The following COL22A1 variants were observed in gnomAD, a reference collection of about 807,000 sequenced individuals.
COL22A1 encodes the protein collagen type XXII alpha 1 chain.
A neutral mutation model predicts 248.9 loss-of-function variants in COL22A1; 221 were observed. The observed-to-expected ratio is 0.89, with a 90% CI of 0.80 to 0.99. The LOEUF (loss-of-function observed/expected upper bound fraction) is 0.99, where lower values mean the gene tolerates loss of function less well. Ranked by LOEUF, COL22A1 falls within the 50% of genes least tolerant of loss-of-function variation. The pLI, the probability that COL22A1 is intolerant of heterozygous loss-of-function variation, is 0.00. For missense variants in COL22A1, 2,240 were observed against 2,179.0 expected, an observed-to-expected ratio of 1.03 and a Z score of -0.56; for synonymous variants, 891 against 793.4, an observed-to-expected ratio of 1.12 and a Z score of -2.07.
chr8:138,638,619 A>G (rs192663874), intron 47 of COL22A1, among the ~76,000 whole-genome samples: 1 of 152,224 alleles, frequency 6.6e-6, no homozygotes, highest in Admixed American at 6.5e-5. Flanking sequence ...GCTAAATATC[A>G]TTGTTTAGAA....
chr8:138,816,407 C>G lies in COL22A1; in HGVS notation c.1246-3388G>C, dbSNP rs566633160. 3.3e-5 allele frequency among the ~76,000 whole-genome samples: 5 copies of G among 152,350 alleles called. No homozygotes were observed. The East Asian group carries it at 9.6e-4, about 29-fold the overall frequency. Reference sequence around the variant, plus strand: ...GCCCCACTCCTGTCTGGAAGTCCTGCTCCGGTTTCTGCCCTCAGCAATTAT... The same window carrying G: ...GCCCCACTCCTGTCTGGAAGTCCTGGTCCGGTTTCTGCCCTCAGCAATTAT... On this transcript the variant is annotated intron_variant, in intron 7 of 64. Coordinates refer to ENST00000303045, the MANE Select transcript of COL22A1 (RefSeq NM_152888.3).
At chr8:138,711,468 C>T (rs947813609) in intron 30 of COL22A1, among the ~76,000 whole-genome samples, 5 of 152,192 alleles carry the variant, frequency 3.3e-5, no homozygotes, top group South Asian at 2.1e-4. Context: ...CTGGCAATTC[C>T]GTCCAAGTAA....
intron 3 of COL22A1, among the ~76,000 whole-genome samples, chr8:138,848,935 A>G (rs1396830181): frequency 2.0e-5 from 3 of 152,182 alleles, no homozygotes; most frequent in Non-Finnish European, 4.4e-5. Context: ...ATCACGGCTC[A>G]TCCATCACCT....
In COL22A1 at chr8:138,602,157, C is replaced by A. The variant is rs1042731982; in HGVS notation, c.4143G>T (p.Gly1381=). ...CAGGCTCTCCAGGCTTCCCAGGGAC[C>A]CCCTGCAAGGAGAAAGAAAGGACAG... ...PGEKGVPGKE[G]VPGKPGEPGF... Residue 1381 remains glycine (G), a splice_region_variant and synonymous_variant, in exon 60 of 65, where the codon GGG becomes GGT. Transcript: ENST00000303045. The A allele has an allele frequency of 5.0e-6, 8 of 1,613,956 alleles. No individual in the cohort carries two copies. In the African/African-American group the frequency reaches 1.1e-4, roughly 22 times the overall value.
chr8:138,731,244 T>C (rs143874937), intron 23 of COL22A1, among the ~76,000 whole-genome samples: 1,693 of 152,116 alleles, frequency 0.011, 26 homozygotes, highest in African/African-American at 0.036. Context: ...GAGGTTGCAG[T>C]GATCCAAGAT....
At chr8:138,768,479 T>C (rs758478073) in intron 16 of COL22A1, among the ~76,000 whole-genome samples, 9 of 152,244 alleles carry the variant, frequency 5.9e-5, no homozygotes, top group Non-Finnish European at 1.5e-5. Context: ...CAGGTGCTCC[T>C]CTTTCCTGTG....
chr8:138,686,370 C>T (rs1421880829), intron 37 of COL22A1, among the ~76,000 whole-genome samples: 4 of 152,190 alleles, frequency 2.6e-5, no homozygotes, highest in East Asian at 1.9e-4. Flanking sequence ...GCGAACCAGA[C>T]GGACTCCTTT....
chr8:138,715,703 C>T lies in COL22A1; in HGVS notation c.2496G>A (p.Leu832=), dbSNP rs192785367. The T allele has an allele frequency of 1.9e-6, 3 of 1,612,676 alleles. No homozygotes were observed. The highest frequency in any genetic ancestry group is 2.2e-5 in the East Asian group (1 of 44,856). Residue 832 remains leucine (L), a synonymous_variant, in exon 30 of 65, where the codon CTG becomes CTA. Transcript: ENST00000303045. Reference sequence around the variant, plus strand: ...CTACCTTTTCACCTCGGTCACCTTTCAGTCCTGGAAGTCCCAGTTCACCTT... The same window carrying T: ...CTACCTTTTCACCTCGGTCACCTTTTAGTCCTGGAAGTCCCAGTTCACCTT... ...GEKGELGLPG[L]KGDRGEKGEA... is the part of the protein sequence containing the mutation.
At chr8:138,858,289 G>A (rs1822191225) in intron 3 of COL22A1, among the ~76,000 whole-genome samples, 1 of 152,204 alleles carries the variant, frequency 6.6e-6, no homozygotes, top group Admixed American at 6.5e-5. Flanking sequence ...AGAGCACCAA[G>A]TTCAATATGG....
intron 16 of COL22A1, among the ~76,000 whole-genome samples, chr8:138,768,340 G>A (rs950731197): frequency 1.3e-5 from 2 of 152,136 alleles, no homozygotes; most frequent in Non-Finnish European, 2.9e-5. Context: ...ACTCTTGCCC[G>A]AGCCTGCCCC....
At position 138,680,230 on chromosome 8, in the gene COL22A1, G is replaced by A. The variant is rs77237165; in HGVS notation, c.3013-554C>T. 9.2e-5 allele frequency among the ~76,000 whole-genome samples: 14 copies of A among 152,338 alleles called. 1 individual carries two copies. The South Asian group carries it at 2.9e-3, about 32-fold the overall frequency. On this transcript the variant is annotated intron_variant, in intron 39 of 64. Coordinates refer to ENST00000303045, the MANE Select transcript of COL22A1 (RefSeq NM_152888.3). Reference sequence around the variant, plus strand: ...AAGAGATGTGGGAGGAAGGAAGTGTGGGGGTTGTAGACGGAGGATGATATT... The same window carrying A: ...AAGAGATGTGGGAGGAAGGAAGTGTAGGGGTTGTAGACGGAGGATGATATT...
intron 10 of COL22A1, among the ~76,000 whole-genome samples, chr8:138,804,830 G>T (rs994301030): frequency 6.6e-6 from 1 of 150,602 alleles, no homozygotes; most frequent in Non-Finnish European, 1.5e-5. Context: ...GTGATATGGG[G>T]TGTGTGTGTG....
chr8:138,843,175 A>G (rs977447788), intron 4 of COL22A1, among the ~76,000 whole-genome samples: 1 of 152,134 alleles, frequency 6.6e-6, no homozygotes, highest in African/African-American at 2.4e-5. Flanking sequence ...GCCTTCCACC[A>G]TTCCAGAAAA....
At chr8:138,834,410 CT>C (rs1295536597) in intron 4 of COL22A1, among the ~76,000 whole-genome samples, 2 of 151,712 alleles carry the variant, frequency 1.3e-5, no homozygotes, top group African/African-American at 4.8e-5. Flanking sequence ...CTCTTAGCCT[CT>C]TTTACCACTA....
chr8:138,709,895 T>C (rs1292967329), intron 30 of COL22A1, among the ~76,000 whole-genome samples: 1 of 152,186 alleles, frequency 6.6e-6, no homozygotes, highest in Non-Finnish European at 1.5e-5. Flanking sequence ...GCAAATATCC[T>C]CACACACATG....
intron 7 of COL22A1, among the ~76,000 whole-genome samples, chr8:138,815,248 A>G (rs886767668): frequency 2.7e-4 from 41 of 152,278 alleles, no homozygotes; most frequent in African/African-American, 8.9e-4. Flanking sequence ...CATTGCACAG[A>G]CAGCTAACAT....
In COL22A1 at chr8:138,778,467, G is replaced by A. The variant is rs376700830; in HGVS notation, c.1705-61C>T. 1.1e-3 allele frequency: 1,523 copies of A among 1,440,634 alleles called. 6 individuals are homozygous for A. The highest frequency in any genetic ancestry group is 5.5e-3 in the Middle Eastern group (24 of 4,346). 89.2% of individuals were successfully genotyped at this position (1,440,634 alleles called of 1,614,324 possible). On this transcript the variant is annotated intron_variant, in intron 14 of 64. Transcript: ENST00000303045. Reference sequence around the variant, plus strand: ...ATGGAAAAGAAAGGCAAGTGCAGCCGTACAGCTCAGCCAGTCCCACGTTTG... The same window carrying A: ...ATGGAAAAGAAAGGCAAGTGCAGCCATACAGCTCAGCCAGTCCCACGTTTG...
At chr8:138,596,184 C>T (rs1817527319) in intron 62 of COL22A1, among the ~76,000 whole-genome samples, 1 of 152,208 alleles carries the variant, frequency 6.6e-6, no homozygotes, top group Non-Finnish European at 1.5e-5. Context: ...TACTACTATC[C>T]TCCTACCTTC....
intron 16 of COL22A1, among the ~76,000 whole-genome samples, chr8:138,765,070 C>T (rs1243892130): frequency 1.3e-5 from 2 of 152,214 alleles, no homozygotes; most frequent in African/African-American, 4.8e-5. Flanking sequence ...ACATCTATCA[C>T]TATATCCTCT....
Sources: allele counts gnomAD v4.1 joint callset (sites outside exome capture counted in the v4.1 genomes callset), GRCh38; gene constraint gnomAD v4.1.1; transcripts MANE v1.5; gene names NCBI Gene and HGNC (gene_info 2026-07-23, HGNC 2026-07-21).